OTOF: variants seen among roughly 807,000 people sequenced by gnomAD.
OTOF encodes otoferlin, also known as fer-1-like family member 2.
In OTOF, 218 loss-of-function variants were observed where a neutral mutation model predicts 236.8. The ratio of observed to expected loss-of-function variants is 0.92; its 90% CI spans 0.82 to 1.03. The LOEUF (loss-of-function observed/expected upper bound fraction) is 1.03, where lower values mean the gene tolerates loss of function less well. Among genes scored for constraint, OTOF ranks in the 50% least tolerant of loss-of-function variants. The pLI is 0.00. For missense variants in OTOF, 2,590 were observed against 2,694.4 expected, an observed-to-expected ratio of 0.96 and a Z score of 0.86; for synonymous variants, 1,041 against 1,072.5, an observed-to-expected ratio of 0.97 and a Z score of 0.57.
chr2:26,476,119 C>T lies in OTOF; in HGVS notation c.2866+9G>A, dbSNP rs1558483020. ...CAGGTGAGGCTTCGAGTGAGGGGTC[C>T]TCACTCACTGGTGTAGACCAGGCTG... On this transcript the variant is annotated intron_variant, in intron 23 of 46. Transcript: ENST00000272371. 1.2e-6 allele frequency: 2 copies of T among 1,611,014 alleles called. No homozygotes were observed. Among genetic ancestry groups the T allele is most frequent in the East Asian group, 2.2e-5 (1 of 44,840 alleles).
chr2:26,513,940 G>A (rs1165449436), intron 5 of OTOF, among the ~76,000 whole-genome samples: 1 of 152,204 alleles, frequency 6.6e-6, no homozygotes, highest in Non-Finnish European at 1.5e-5. Flanking sequence ...CCAGCTTCCA[G>A]GTCCCCCTCC....
At chr2:26,467,578 G>T in intron 33 of OTOF, 77 bp from the exon 34 acceptor site, 1 of 1,503,594 alleles carries the variant, frequency 6.7e-7, no homozygotes, top group Non-Finnish European at 9.1e-7. Context: ...CAGCTCTGTC[G>T]CTAATTTGCT....
chr2:26,467,474 T>C lies in OTOF; in HGVS notation c.4118A>G (p.Glu1373Gly). The change falls in exon 34 of 47, where the codon GAG becomes GGG. Residue 1373 changes from glutamate (E) to glycine (G), a missense_variant. Transcript: ENST00000272371. ...CTCCTCTTTGGCAGCCCTTGCCTTC[T>C]CCTTGCCCTTCATTGACCCCTTCAG... ...EGLKGSMKGK[E>G]KARAAKEEKK... is the part of the protein sequence containing the mutation. The C allele has an allele frequency of 6.2e-7, 1 of 1,614,078 alleles. No homozygotes were observed. Among genetic ancestry groups the C allele is most frequent in the Non-Finnish European group, 8.5e-7 (1 of 1,180,000 alleles).
At chr2:26,508,297 G>T (rs1173230974) in intron 5 of OTOF, among the ~76,000 whole-genome samples, 1 of 152,072 alleles carries the variant, frequency 6.6e-6, no homozygotes, top group African/African-American at 2.4e-5. Flanking sequence ...CCCCTAAATG[G>T]GTTTATTTTA....
chr2:26,532,059 C>T (rs1014127806), intron 2 of OTOF, among the ~76,000 whole-genome samples: 3 of 136,824 alleles, frequency 2.2e-5, no homozygotes, highest in African/African-American at 3.0e-5. Flanking sequence ...CACCATTGCA[C>T]TCCAGCCTGG....
At chr2:26,469,225 G>A (rs1664869967) in intron 32 of OTOF, among the ~76,000 whole-genome samples, 1 of 152,098 alleles carries the variant, frequency 6.6e-6, no homozygotes, top group African/African-American at 2.4e-5. Context: ...CCATCTTACT[G>A]GAAACGAGAA....
At chr2:26,501,981 G>C (rs775087346) in intron 7 of OTOF, among the ~76,000 whole-genome samples, 173 bp from the exon 8 acceptor site, 1 of 152,128 alleles carries the variant, frequency 6.6e-6, no homozygotes, top group East Asian at 1.9e-4. Context: ...CCTCAACACA[G>C]AGAACTAATC....
Position 26,473,365 on chromosome 2 carries a change from A to C in OTOF, c.3570+41T>G, listed in dbSNP as rs1456072093. The C allele has an allele frequency of 6.2e-7, 1 of 1,613,074 alleles. No individual in the cohort carries two copies. Among genetic ancestry groups the C allele is most frequent in the East Asian group, 2.2e-5 (1 of 44,878 alleles). On this transcript the variant is annotated intron_variant, in intron 28 of 46. Transcript: ENST00000272371. This position sits in a 1 kb window ranked among gnomAD's most constrained non-coding sequence, Gnocchi z 7.2. ...GGAAGCCGGCTGGCTGAGTGGAGCC[A>C]CACTGGCCACAGGATGTCCTCCGCC... is the stretch of plus-strand genomic sequence containing the variant.
chr2:26,550,349 A>G (rs1212022947), intron 1 of OTOF, among the ~76,000 whole-genome samples: 1 of 151,240 alleles, frequency 6.6e-6, no homozygotes, highest in Non-Finnish European at 1.5e-5. Context: ...TGCTGCCTGG[A>G]TGGCTGGCTG....
chr2:26,522,333 C>CA (rs149838121), intron 3 of OTOF, among the ~76,000 whole-genome samples: 26,093 of 152,164 alleles, frequency 0.17, 2,722 homozygotes, highest in African/African-American at 0.3. Context: ...ACCATTTAAG[C>CA]AAAAACACAG....
rs141800430 is a variant in OTOF, at chr2:26,465,009, C to T, written c.4820G>A (p.Arg1607Gln). Residue 1607 changes from arginine to glutamine, a missense_variant, in exon 39 of 47, where the codon CGG becomes CAG. Arg to Gln is a conservative substitution (Grantham distance 43). This residue lies in a region of OTOF where 1,211 missense variants were observed against 1,352.8 expected (regional missense o/e 0.90). Transcript: ENST00000272371. ...TYSTHGYNIW[R>Q]DPMKPSQILT... ...GATCTGGCTGGGCTTCATGGGGTCC[C>T]GCCAGATATTGTAGCCATGTCTGTG... 161 of 1,488,072 alleles carry T rather than the reference C, an allele frequency of 1.1e-4. 1 individual carries two copies. Among genetic ancestry groups the T allele is most frequent in the South Asian group, 2.2e-4 (15 of 69,266 alleles). The allele number at this position is 1,488,072 out of a possible 1,614,324, so 92.2% of individuals were successfully genotyped here.
intron 11 of OTOF, among the ~76,000 whole-genome samples, chr2:26,485,880 C>T (rs570648910): frequency 4.5e-4 from 68 of 152,280 alleles, no homozygotes; most frequent in South Asian, 1.0e-3. Context: ...CAGGAAGGCA[C>T]GTGGATGAGG....
intron 1 of OTOF, among the ~76,000 whole-genome samples, chr2:26,546,341 A>T (rs1313963524): frequency 2.0e-5 from 3 of 151,996 alleles, no homozygotes; most frequent in African/African-American, 7.3e-5. Context: ...CATGCCTGTA[A>T]TCCCAGCTAC....
intron 33 of OTOF, 116 bp from the exon 34 acceptor site, chr2:26,467,617 T>C: frequency 1.1e-5 from 14 of 1,266,546 alleles, no homozygotes; most frequent in Non-Finnish European, 1.6e-5. Flanking sequence ...GATGTCCATG[T>C]GCTGTCAAAT....
intron 9 of OTOF, 147 bp downstream of exon 9, chr2:26,494,795 G>T: frequency 1.2e-6 from 1 of 868,798 alleles, no homozygotes; most frequent in Non-Finnish European, 1.9e-6. Flanking sequence ...GTTTGTCAGT[G>T]TCCTGGGGGT....
chr2:26,464,723 G>A lies in OTOF; in HGVS notation c.4960+146C>T, dbSNP rs1025044504. The A allele has an allele frequency of 5.5e-6, 4 of 729,880 alleles. No individual in the cohort carries two copies. In the African/African-American group the frequency reaches 7.4e-5, roughly 13 times the overall value. The allele number at this position is 729,880 out of a possible 1,614,324, so 45.2% of individuals were successfully genotyped here. ...GGGCAGACAGGAACGGGGCTCTGGG[G>A]TGATGAGCAGAGGGTCACTAAGACC... On this transcript the variant is annotated intron_variant, in intron 39 of 46. Coordinates refer to ENST00000272371, the MANE Select transcript of OTOF (RefSeq NM_194248.3).
At chr2:26,500,970 T>C (rs1030531384) in intron 8 of OTOF, among the ~76,000 whole-genome samples, 1 of 152,106 alleles carries the variant, frequency 6.6e-6, no homozygotes, top group South Asian at 2.1e-4. Flanking sequence ...AGGTGAGATC[T>C]CTTGCAAGCC....
intron 8 of OTOF, among the ~76,000 whole-genome samples, chr2:26,498,022 G>A (rs777732750): frequency 6.6e-6 from 1 of 152,164 alleles, no homozygotes; most frequent in Non-Finnish European, 1.5e-5. Context: ...ACTGGGAAGC[G>A]GACAGACATA....
At chr2:26,505,925 G>T (rs906642752) in intron 5 of OTOF, among the ~76,000 whole-genome samples, 10 of 152,340 alleles carry the variant, frequency 6.6e-5, no homozygotes, top group African/African-American at 2.4e-4. Context: ...AAGAACCTGA[G>T]CACCCAAACA....
Sources: gnomAD v4.1 joint callset for allele counts (sites outside exome capture counted in the v4.1 genomes callset) on GRCh38, gnomAD v4.1.1 for gene constraint, gnomAD v4.1.1 regional missense constraint, Gnocchi (gnomAD v3.1) non-coding constraint, MANE v1.5 for transcripts, NCBI Gene and HGNC (gene_info 2026-07-23, HGNC 2026-07-21) for gene names.